Variants in METTL9 observed in about 807,000 individuals in gnomAD.
The protein encoded by METTL9 is methyltransferase 9, His-X-His N1(pi)-histidine, also known as protein-L-histidine N-pros-methyltransferase.
A neutral mutation model predicts 36.0 loss-of-function variants in METTL9; 10 were observed. The observed-to-expected ratio is 0.28, with a 90% CI of 0.17 to 0.47. The LOEUF (loss-of-function observed/expected upper bound fraction) is 0.47, where lower values mean the gene tolerates loss of function less well. Among genes scored for constraint, METTL9 ranks in the 20% least tolerant of loss-of-function variants. The probability of loss-of-function intolerance (pLI) is 0.99; values close to 1 mark genes in which losing one functional copy is unlikely to be tolerated. For synonymous variants in METTL9, 175 were observed against 149.7 expected, an observed-to-expected ratio of 1.17 and a Z score of -1.23; for missense variants, 246 against 383.5, an observed-to-expected ratio of 0.64 and a Z score of 3.00.
At chr16:21,643,533 A>G (rs1435283884) in intron 4 of METTL9, 1 of 1,521,960 alleles carries the variant, frequency 6.6e-7, no homozygotes. Context: ...ATATTTTTCA[A>G]GTGTTGGTCT....
chr16:21,647,405 G>A (rs753594905), intron 4 of METTL9: 1 of 1,614,058 alleles, frequency 6.2e-7, no homozygotes, highest in African/African-American at 1.3e-5. Context: ...TGCGGAGAAG[G>A]TACACTTTAT....
In METTL9 at chr16:21,654,353, G is replaced by T. The variant is rs1327409977; in HGVS notation, c.752-874G>T. On this transcript the variant is annotated intron_variant, in intron 4 of 4. Coordinates refer to ENST00000358154, the MANE Select transcript of METTL9 (RefSeq NM_016025.5). ...TGCCACCACGCCCGGCCTCAATCTG[G>T]TTTTAACACTTCAACAGATGTATGT... The T allele has an allele frequency of 1.3e-5, 2 of 152,062 alleles. 1 individual carries two copies. Among genetic ancestry groups the T allele is most frequent in the Non-Finnish European group, 2.9e-5 (2 of 68,046 alleles). 9.4% of individuals were successfully genotyped at this position (152,062 alleles called of 1,614,324 possible).
intron 4 of METTL9, among the ~76,000 whole-genome samples, chr16:21,629,915 T>C (rs983312919): frequency 3.9e-5 from 6 of 152,210 alleles, no homozygotes; most frequent in Admixed American, 6.5e-5. Flanking sequence ...CACAGAGTGC[T>C]GATTGGTGCG....
intron 4 of METTL9, among the ~76,000 whole-genome samples, chr16:21,637,739 C>T (rs956820913): frequency 2.0e-5 from 3 of 152,266 alleles, no homozygotes; most frequent in Non-Finnish European, 2.9e-5. Flanking sequence ...CTGCCCGTGC[C>T]TCTCCCTCCA....
intron 1 of METTL9, among the ~76,000 whole-genome samples, chr16:21,604,664 A>G (rs1039702182): frequency 2.0e-5 from 3 of 152,220 alleles, no homozygotes; most frequent in Admixed American, 6.5e-5. Context: ...CAAGGTGTGC[A>G]TGGTGAAATG....
At chr16:21,642,636 T>G (rs1272948731) in intron 4 of METTL9, among the ~76,000 whole-genome samples, 1 of 152,226 alleles carries the variant, frequency 6.6e-6, no homozygotes, top group African/African-American at 2.4e-5. Flanking sequence ...TTTTTTAATA[T>G]CATTAGCTGC....
chr16:21,651,754 C>A (rs1248465128), intron 4 of METTL9: 2 of 152,114 alleles, frequency 1.3e-5, no homozygotes, highest in Non-Finnish European at 2.9e-5. Context: ...GAGCAAATCC[C>A]AGCCATTTTA....
chr16:21,627,210 G>A, intron 4 of METTL9: 1 of 985,388 alleles, frequency 1.0e-6, no homozygotes, highest in African/African-American at 1.7e-5. Flanking sequence ...AGGACTGGGA[G>A]ATGCAAAATG....
In METTL9 at chr16:21,624,918, C is replaced by G. The variant is rs749097246; in HGVS notation, c.567-13C>G. The G allele has an allele frequency of 9.3e-6, 15 of 1,611,034 alleles. No individual in the cohort carries two copies. The Admixed American group carries it at 2.2e-4, about 23-fold the overall frequency. ...GGACTTTATGTTAATACAGTTATTT[C>G]TGATTTTTCTAGAGTCCTTGGTATA... On this transcript the variant is annotated splice_polypyrimidine_tract_variant and intron_variant, in intron 3 of 4. Transcript: ENST00000358154.
intron 4 of METTL9, chr16:21,644,205 A>G (rs1407985505): frequency 1.1e-5 from 11 of 992,572 alleles, no homozygotes; most frequent in East Asian, 9.7e-5. Flanking sequence ...GCTGAGGCCC[A>G]TAACTTGTGG....
intron 4 of METTL9, among the ~76,000 whole-genome samples, chr16:21,630,631 A>AACTCTTTAGGCC (rs893382587): frequency 1.3e-5 from 2 of 152,120 alleles, no homozygotes; most frequent in African/African-American, 2.4e-5. Context: ...TCCAGAGGGG[A>AACTCTTTAGGCC]ACTCTTTAGG....
intron 4 of METTL9, among the ~76,000 whole-genome samples, chr16:21,631,803 AG>A (rs1194400309): frequency 2.0e-5 from 3 of 152,234 alleles, no homozygotes; most frequent in Non-Finnish European, 4.4e-5. Context: ...GGAGTGTTAC[AG>A]GGTTACAGAG....
intron 4 of METTL9, among the ~76,000 whole-genome samples, chr16:21,630,028 A>G (rs1185139979): frequency 6.6e-6 from 1 of 152,202 alleles, no homozygotes; most frequent in African/African-American, 2.4e-5. Flanking sequence ...AGCTAGACAC[A>G]GAGTGCTGAT....
intron 4 of METTL9, among the ~76,000 whole-genome samples, chr16:21,629,313 A>G (rs1357910527): frequency 6.6e-6 from 1 of 152,138 alleles, no homozygotes; most frequent in Non-Finnish European, 1.5e-5. Flanking sequence ...ATGAGAGCAG[A>G]GCCTTCCTGA....
At chr16:21,637,260 C>T (rs190507187) in intron 4 of METTL9, among the ~76,000 whole-genome samples, 134 of 152,252 alleles carry the variant, frequency 8.8e-4, no homozygotes, top group African/African-American at 2.0e-3. Context: ...TTTGACAGAG[C>T]GCTGATTTGT....
Position 21,641,707 on chromosome 16 carries a change from A to T in METTL9, c.752-13520A>T, listed in dbSNP as rs1432207009. ...CTTGGATTCTGGGTCCTAAGTGTCC[A>T]TATGGTAATCTTAAAGGCCAGATTA... On this transcript the variant is annotated intron_variant, in intron 4 of 4. Transcript: ENST00000358154. 2.8e-5 allele frequency: 15 copies of T among 539,082 alleles called. No individual in the cohort carries two copies. The East Asian group carries it at 4.8e-4, about 17-fold the overall frequency. The allele number at this position is 539,082 out of a possible 1,614,324, so 33.4% of individuals were successfully genotyped here.
At chr16:21,628,065 C>T (rs184478707) in intron 4 of METTL9, among the ~76,000 whole-genome samples, 1 of 152,318 alleles carries the variant, frequency 6.6e-6, no homozygotes. Context: ...TCTGTATGTA[C>T]ATTAAAAAAA....
intron 4 of METTL9, among the ~76,000 whole-genome samples, chr16:21,644,729 A>T (rs1966379892): frequency 6.6e-6 from 1 of 152,248 alleles, no homozygotes; most frequent in Non-Finnish European, 1.5e-5. Context: ...GTTCAAGGGC[A>T]TCTAAAATCT....
At chr16:21,603,142 CT>C (rs202168603) in intron 1 of METTL9, among the ~76,000 whole-genome samples, 1,669 of 143,174 alleles carry the variant, frequency 0.012, 38 homozygotes, top group East Asian at 0.085. Flanking sequence ...TAACAAACAG[CT>C]TTTTTTTTTT....
Sources: gnomAD v4.1 joint callset for allele counts (sites outside exome capture counted in the v4.1 genomes callset) on GRCh38, gnomAD v4.1.1 for gene constraint, MANE v1.5 for transcripts, NCBI Gene and HGNC (gene_info 2026-07-23, HGNC 2026-07-21) for gene names.